The following ZNF100 variants were observed in gnomAD, a reference collection of about 807,000 sequenced individuals.
ZNF100 encodes the protein zinc finger protein 100, also known as zinc finger protein 100 (Y1).
A neutral mutation model predicts 15.8 loss-of-function variants in ZNF100; 12 were observed. That is an observed-to-expected ratio of 0.76 (90% CI 0.49 to 1.23). The LOEUF (loss-of-function observed/expected upper bound fraction) is 1.23, where lower values mean the gene tolerates loss of function less well. Among genes scored for constraint, ZNF100 ranks in the 50% most tolerant of loss-of-function variants. ZNF100 has a pLI of 0.00. For synonymous variants in ZNF100, 226 were observed against 214.8 expected, an observed-to-expected ratio of 1.05 and a Z score of -0.45; for missense variants, 670 against 635.6, an observed-to-expected ratio of 1.05 and a Z score of -0.58.
At chr19:21,749,624 G>A (rs112198712) in intron 2 of ZNF100, among the ~76,000 whole-genome samples, 11,906 of 152,248 alleles carry the variant, frequency 0.078, 535 homozygotes, top group Middle Eastern at 0.15. Flanking sequence ...TATAGTTGTG[G>A]TCATGGCTCT....
In ZNF100 at chr19:21,727,435, C is replaced by G; in HGVS notation, c.877G>C (p.Glu293Gln). Residue 293 changes from glutamate to glutamine, a missense_variant, in exon 5 of 5, where the codon GAA (glutamate) becomes CAA (glutamine). Physicochemically the swap from Glu to Gln is conservative, Grantham distance 29. Coordinates refer to ENST00000358296, the MANE Select transcript of ZNF100 (RefSeq NM_173531.4). ...GACCGGTTAAAAGCTTTCCCACATT[C>G]TTCACATCTGTATGGTTTCTCTCCA... is the stretch of plus-strand genomic sequence containing the variant. ...HTGEKPYRCE[E>Q]CGKAFNRSSH... 6.2e-7 allele frequency: 1 copy of G among 1,613,026 alleles called. No homozygotes were observed. The highest frequency in any genetic ancestry group is 8.5e-7 in the Non-Finnish European group (1 of 1,179,706).
chr19:21,729,596 A>C (rs575881521), intron 4 of ZNF100, among the ~76,000 whole-genome samples: 4 of 152,056 alleles, frequency 2.6e-5, no homozygotes, highest in Non-Finnish European at 5.9e-5. Context: ...AAACAAAACA[A>C]AACAAAAACA....
rs1343634963 is a variant in ZNF100, at chr19:21,725,411, GAAT to G, written c.*1269_*1271del. 2.6e-5 allele frequency: 4 copies of G among 152,152 alleles called. No homozygotes were observed. Among genetic ancestry groups the G allele is most frequent in the Admixed American group, 6.5e-5 (1 of 15,274 alleles). 9.4% of individuals were successfully genotyped at this position (152,152 alleles called of 1,614,324 possible). On this transcript the variant is annotated 3_prime_UTR_variant, in exon 5 of 5. Coordinates refer to ENST00000358296, the MANE Select transcript of ZNF100 (RefSeq NM_173531.4). Reference sequence around the variant, plus strand: ...TGAAATTAAGTTTTCTCATAATGCAGAATATTACTCTGAATGCCTAACGCACAC... The same window carrying G: ...TGAAATTAAGTTTTCTCATAATGCAGATTACTCTGAATGCCTAACGCACAC...
chr19:21,759,147 T>C (rs984594747), intron 2 of ZNF100, among the ~76,000 whole-genome samples: 2 of 152,204 alleles, frequency 1.3e-5, no homozygotes, highest in African/African-American at 4.8e-5. Flanking sequence ...TCTATGTTTC[T>C]GGGCTACTGT....
At chr19:21,747,223 CT>C (rs1239197821) in intron 2 of ZNF100, among the ~76,000 whole-genome samples, 1 of 152,184 alleles carries the variant, frequency 6.6e-6, no homozygotes, top group Non-Finnish European at 1.5e-5. Context: ...TGGCACTTAA[CT>C]CTCATGAATG....
Position 21,725,564 on chromosome 19 carries a change from T to C in ZNF100, c.*1119A>G, listed in dbSNP as rs2035763819. ...AATGCTCACCTAATAAAAAAGAATC[T>C]CTCATATCTGATGCAGCAACAATTG... is the stretch of plus-strand genomic sequence containing the variant. On this transcript the variant is annotated 3_prime_UTR_variant, in exon 5 of 5. Coordinates refer to ENST00000358296, the MANE Select transcript of ZNF100 (RefSeq NM_173531.4). The C allele has an allele frequency of 6.6e-6, 1 of 152,152 alleles. No individual in the cohort carries two copies. The highest frequency in any genetic ancestry group is 2.1e-4 in the South Asian group (1 of 4,836). The allele number at this position is 152,152 out of a possible 1,614,324, so 9.4% of individuals were successfully genotyped here.
chr19:21,754,859 C>T (rs2036366822), intron 2 of ZNF100, among the ~76,000 whole-genome samples: 1 of 152,106 alleles, frequency 6.6e-6, no homozygotes, highest in South Asian at 2.1e-4. Context: ...AACAGACAAC[C>T]TACAGAACAG....
At chr19:21,735,814 A>G (rs1218353116) in intron 4 of ZNF100, among the ~76,000 whole-genome samples, 3 of 152,068 alleles carry the variant, frequency 2.0e-5, no homozygotes, top group Non-Finnish European at 4.4e-5. Flanking sequence ...TTTGAGACGG[A>G]GTCTTACTCT....
intron 2 of ZNF100, among the ~76,000 whole-genome samples, chr19:21,757,945 G>A (rs1272596693): frequency 6.6e-6 from 1 of 152,090 alleles, no homozygotes; most frequent in Non-Finnish European, 1.5e-5. Context: ...GCTGAGGTAG[G>A]AGGACCCCTT....
Position 21,726,447 on chromosome 19 carries a change from A to C in ZNF100, c.*236T>G, listed in dbSNP as rs2035786782. ...ACTTTATCACATTCTTCACATTTCT[A>C]GGATTTCTCAACACTATGATTTATG... On this transcript the variant is annotated 3_prime_UTR_variant, in exon 5 of 5. Transcript: ENST00000358296. 1 of 472,120 alleles carries C rather than the reference A, an allele frequency of 2.1e-6. No individual in the cohort carries two copies. The highest frequency in any genetic ancestry group is 3.7e-6 in the Non-Finnish European group (1 of 269,462). 29.2% of individuals were successfully genotyped at this position (472,120 alleles called of 1,614,324 possible). A position where few individuals can be genotyped will look rare whatever the true frequency, so the allele number is the denominator to read the frequency against.
chr19:21,727,554 C>T lies in ZNF100; in HGVS notation c.758G>A (p.Arg253Lys), dbSNP rs750103962. The change falls in exon 5 of 5, where the codon AGA becomes AAA. Residue 253 changes from arginine (R) to lysine (K), a missense_variant. Arg to Lys is a conservative substitution (Grantham distance 26, BLOSUM62 2). Coordinates refer to ENST00000358296, the MANE Select transcript of ZNF100 (RefSeq NM_173531.4). ...GTAGGGTTTCTCTCCAGTATGAATT[C>T]TCCTGTGTGTAGTAAGGGTTGAGAA... Reference protein sequence around the residue: ...NWFSTLTTHRRIHTGEKPYKC... With the variant: ...NWFSTLTTHRKIHTGEKPYKC... 6.2e-7 allele frequency: 1 copy of T among 1,613,454 alleles called. No individual in the cohort carries two copies. The highest frequency in any genetic ancestry group is 1.3e-5 in the African/African-American group (1 of 74,816).
At chr19:21,732,697 C>A (rs1226083928) in intron 4 of ZNF100, among the ~76,000 whole-genome samples, 1 of 150,826 alleles carries the variant, frequency 6.6e-6, no homozygotes, top group Non-Finnish European at 1.5e-5. Context: ...TATTGGATGC[C>A]ATCAAGTAGA....
chr19:21,762,287 TG>T (rs1187280992), intron 2 of ZNF100, among the ~76,000 whole-genome samples: 1 of 152,252 alleles, frequency 6.6e-6, no homozygotes, highest in Non-Finnish European at 1.5e-5. Context: ...TCTGGATTAC[TG>T]TTTGAATTAT....
At chr19:21,751,247 A>AGCCT (rs763787062) in intron 2 of ZNF100, 39 of 1,211,832 alleles carry the variant, frequency 3.2e-5, no homozygotes, top group Non-Finnish European at 4.8e-5. Flanking sequence ...ACAGTCAGCC[A>AGCCT]GCCTAACCTT....
chr19:21,743,901 T>G, intron 4 of ZNF100, 116 bp downstream of exon 4: 24 of 604,038 alleles, frequency 4.0e-5, no homozygotes, highest in Admixed American at 7.2e-5. Flanking sequence ...CACTCAGGCA[T>G]CCCAGAAACT....
In ZNF100 at chr19:21,760,627, T is replaced by A. The variant is rs566711520; in HGVS notation, c.96+5067A>T. Among the ~76,000 whole-genome samples, 4 of 152,206 alleles carry A rather than the reference T, an allele frequency of 2.6e-5. No individual in the cohort carries two copies. The South Asian group carries it at 8.3e-4, about 32-fold the overall frequency. ...CCCTAAGACTTTGCCATCCAGACAATCATCTTGTGTTGATCCTCTTCAAAA... is the reference window on the plus strand; with the variant it reads ...CCCTAAGACTTTGCCATCCAGACAAACATCTTGTGTTGATCCTCTTCAAAA... On this transcript the variant is annotated intron_variant, in intron 2 of 4. Coordinates refer to ENST00000358296, the MANE Select transcript of ZNF100 (RefSeq NM_173531.4).
At chr19:21,738,240 C>T (rs1025147191) in intron 4 of ZNF100, among the ~76,000 whole-genome samples, 16 of 95,706 alleles carry the variant, frequency 1.7e-4, no homozygotes, top group African/African-American at 6.7e-4. Context: ...GATAGAGTGA[C>T]ACTATGTCAA....
rs372931531 is a variant in ZNF100, at chr19:21,726,980, A to G, written c.1332T>C (p.Leu444=). 1.1e-4 allele frequency: 172 copies of G among 1,612,638 alleles called. 4 individuals are homozygous for G. In the South Asian group the frequency reaches 1.5e-3, roughly 14 times the overall value. The change falls in exon 5 of 5, where the codon CTT becomes CTC. Residue 444 remains leucine, a synonymous_variant. Coordinates refer to ENST00000358296, the MANE Select transcript of ZNF100 (RefSeq NM_173531.4). ...CGKAFNESSN[L]TTHKMIHTGE... is the part of the protein sequence containing the mutation. ...CAGTATGAATCATCTTATGGGTAGT[A>G]AGGTTTGAGGACTCATTAAAAGCTT...
Position 21,723,442 on chromosome 19 carries a change from C to T in ZNF100, c.*3241G>A, listed in dbSNP as rs2035718423. 6.7e-6 allele frequency: 1 copy of T among 149,050 alleles called. No homozygotes were observed. Among genetic ancestry groups the T allele is most frequent in the Admixed American group, 6.7e-5 (1 of 14,912 alleles). The allele number at this position is 149,050 out of a possible 1,614,324, so 9.2% of individuals were successfully genotyped here. ...CATGTGAAATGAAATGGCATTAAGA[C>T]AACAGTGAGAAAACTGAAGCCATAA... is the stretch of plus-strand genomic sequence containing the variant. On this transcript the variant is annotated 3_prime_UTR_variant, in exon 5 of 5. Coordinates refer to ENST00000358296, the MANE Select transcript of ZNF100 (RefSeq NM_173531.4).
Sources: allele counts gnomAD v4.1 joint callset (sites outside exome capture counted in the v4.1 genomes callset), GRCh38; gene constraint gnomAD v4.1.1; transcripts MANE v1.5; gene names NCBI Gene and HGNC (gene_info 2026-07-23, HGNC 2026-07-21).